TRAPPC10: variants seen among roughly 807,000 people sequenced by gnomAD.
TRAPPC10 encodes the protein TRAPP 130 kDa subunit.
A neutral mutation model predicts 125.5 loss-of-function variants in TRAPPC10; 23 were observed. The observed-to-expected ratio is 0.18, with a 90% CI of 0.13 to 0.26. The LOEUF (loss-of-function observed/expected upper bound fraction) is 0.26. Ranked by LOEUF, TRAPPC10 falls within the 10% of genes least tolerant of loss-of-function variation. The pLI is 1.00. For synonymous variants in TRAPPC10, 509 were observed against 518.0 expected (o/e 0.98, Z 0.24); for missense variants, 1,123 against 1,308.4 (o/e 0.86, Z 2.19).
At chr21:44,079,786 C>T (rs2037550873) in intron 12 of TRAPPC10, 82 bp downstream of exon 12, 2 of 1,448,938 alleles carry the variant, frequency 1.4e-6, no homozygotes, top group Non-Finnish European at 9.4e-7. Context: ...GTTTCATTCA[C>T]ACCTATTATT....
intron 1 of TRAPPC10, among the ~76,000 whole-genome samples, chr21:44,021,993 GTT>G (rs949279539): frequency 1.3e-4 from 19 of 151,026 alleles, no homozygotes; most frequent in African/African-American, 4.6e-4. Context: ...ACAAAAAACT[GTT>G]TTCTAAGCCA....
In TRAPPC10 at chr21:44,084,259, G is replaced by C. The variant is rs781563866; in HGVS notation, c.2376G>C (p.Leu792=). 2 of 1,613,310 alleles carry C rather than the reference G, an allele frequency of 1.2e-6. No homozygotes were observed. The highest frequency in any genetic ancestry group is 2.7e-5 in the African/African-American group (2 of 74,932). Residue 792 remains leucine (L), a synonymous_variant, in exon 15 of 23, where the codon CTG becomes CTC. Coordinates refer to ENST00000291574, the MANE Select transcript of TRAPPC10 (RefSeq NM_003274.5). ...SQEPQLHVEP[L]ADSLLAGIPQ... ...AGCCCCAGCTGCACGTGGAGCCGCT[G>C]GCTGGTGAGTGGGGTCCCCAGCCTT...
intron 3 of TRAPPC10, among the ~76,000 whole-genome samples, chr21:44,041,582 G>C (rs2145753957): frequency 6.6e-6 from 1 of 151,940 alleles, no homozygotes; most frequent in East Asian, 1.9e-4. Flanking sequence ...ATGTTGGTCA[G>C]GCTGGTCTCA....
At chr21:44,064,135 A>G (rs1391732546) in intron 7 of TRAPPC10, among the ~76,000 whole-genome samples, 1 of 152,224 alleles carries the variant, frequency 6.6e-6, no homozygotes, top group Non-Finnish European at 1.5e-5. Flanking sequence ...TTTTGCATGT[A>G]GACATTTATT....
At chr21:44,014,405 C>CT (rs989641715) in intron 1 of TRAPPC10, among the ~76,000 whole-genome samples, 1 of 146,810 alleles carries the variant, frequency 6.8e-6, no homozygotes, top group East Asian at 2.0e-4. Flanking sequence ...CCTTCTTCTT[C>CT]TTTTTTGAGA....
At chr21:44,039,875 A>G (rs1023512121) in intron 3 of TRAPPC10, among the ~76,000 whole-genome samples, 3 of 152,230 alleles carry the variant, frequency 2.0e-5, no homozygotes, top group African/African-American at 7.2e-5. Flanking sequence ...AAAGAAAAAA[A>G]AGAAATCACG....
chr21:44,054,154 A>G (rs2035410780), intron 4 of TRAPPC10, among the ~76,000 whole-genome samples: 1 of 152,214 alleles, frequency 6.6e-6, no homozygotes, highest in Non-Finnish European at 1.5e-5. Flanking sequence ...GGTTCTAGCA[A>G]GCTCCTACTG....
chr21:44,075,004 G>T, intron 8 of TRAPPC10, 35 bp from the exon 9 acceptor site: 3 of 1,442,532 alleles, frequency 2.1e-6, no homozygotes, highest in Non-Finnish European at 2.9e-6. Flanking sequence ...GACTCTTACG[G>T]CAAATTAATT....
chr21:44,083,079 C>T lies in TRAPPC10; in HGVS notation c.2015C>T (p.Pro672Leu), dbSNP rs757231655. The stretch of plus-strand genomic sequence containing the variant: ...TTCCCTGTATCCCAAAACAGTTTGC[C>T]CGCGCTGGAGTTGTATGAAATGTTT... ...APFPVSQNSL[P>L]ALELYEMFER... Residue 672 changes from proline to leucine, a missense_variant, in exon 14 of 23, where the codon CCC (proline) becomes CTC (leucine). By Grantham distance (98) the Pro-to-Leu change is moderately conservative. Coordinates refer to ENST00000291574, the MANE Select transcript of TRAPPC10 (RefSeq NM_003274.5). 2.5e-6 allele frequency: 4 copies of T among 1,614,090 alleles called. No individual in the cohort carries two copies. The highest frequency in any genetic ancestry group is 3.4e-6 in the Non-Finnish European group (4 of 1,180,032).
Position 44,066,812 on chromosome 21 carries a change from A to T in TRAPPC10, c.1038+3027A>T, listed in dbSNP as rs181601509. Among the ~76,000 whole-genome samples the T allele has an allele frequency of 1.6e-3, 242 of 152,364 alleles. 3 individuals are homozygous for T. The highest frequency in any genetic ancestry group is 5.4e-3 in the African/African-American group (224 of 41,588). On this transcript the variant is annotated intron_variant, in intron 7 of 22. Transcript: ENST00000291574. Reference sequence around the variant, plus strand: ...CATACAAGTAGAATTGGAAGGTCGAAGATAGACATGTTTTTAAAGCTATAT... The same window carrying T: ...CATACAAGTAGAATTGGAAGGTCGATGATAGACATGTTTTTAAAGCTATAT...
intron 1 of TRAPPC10, among the ~76,000 whole-genome samples, chr21:44,029,134 G>A (rs529329054): frequency 3.9e-5 from 6 of 152,074 alleles, no homozygotes; most frequent in East Asian, 1.9e-4. Flanking sequence ...TCGCTCTGTC[G>A]CCCGGGCTGG....
At chr21:44,017,101 T>G (rs1224130205) in intron 1 of TRAPPC10, among the ~76,000 whole-genome samples, 1 of 152,238 alleles carries the variant, frequency 6.6e-6, no homozygotes, top group Non-Finnish European at 1.5e-5. Flanking sequence ...AATGCAGATT[T>G]TGTTTCATAT....
chr21:44,052,761 TG>T (rs887838461), intron 4 of TRAPPC10, among the ~76,000 whole-genome samples: 10 of 152,190 alleles, frequency 6.6e-5, no homozygotes, highest in Middle Eastern at 3.4e-3. Flanking sequence ...CAGCAGCTCC[TG>T]CAGTTCTTCT....
intron 1 of TRAPPC10, among the ~76,000 whole-genome samples, chr21:44,015,617 T>TC (rs1292117636): frequency 6.6e-6 from 1 of 151,598 alleles, no homozygotes; most frequent in East Asian, 1.9e-4. Context: ...CAAATTTTTT[T>TC]TTTTTTTTTC....
At chr21:44,074,833 A>G (rs1467726852) in intron 8 of TRAPPC10, among the ~76,000 whole-genome samples, 1 of 152,246 alleles carries the variant, frequency 6.6e-6, no homozygotes, top group Non-Finnish European at 1.5e-5. Flanking sequence ...AGGGAGGTGA[A>G]GGACAGAAGC....
chr21:44,059,783 TTC>T lies in TRAPPC10; in HGVS notation c.790+573_790+574del, dbSNP rs2035894951. On this transcript the variant is annotated intron_variant, in intron 6 of 22. Coordinates refer to ENST00000291574, the MANE Select transcript of TRAPPC10 (RefSeq NM_003274.5). This position sits in a 1 kb window ranked among gnomAD's most constrained non-coding sequence, Gnocchi z 4.4. Reference sequence around the variant, plus strand: ...AAGTGATACCACGTTATATAGCTGTTTCTCTGTCGCTCCTTTTTGTTACTCAC... The same window carrying T: ...AAGTGATACCACGTTATATAGCTGTTTCTGTCGCTCCTTTTTGTTACTCAC... 1 of 390,370 alleles carries T rather than the reference TTC, an allele frequency of 2.6e-6. No individual in the cohort carries two copies. Among genetic ancestry groups the T allele is most frequent in the Admixed American group, 4.1e-5 (1 of 24,324 alleles). 24.2% of individuals were successfully genotyped at this position (390,370 alleles called of 1,614,324 possible).
intron 1 of TRAPPC10, 70 bp from the exon 2 acceptor site, chr21:44,032,021 A>T: frequency 7.9e-7 from 1 of 1,262,552 alleles, no homozygotes; most frequent in Non-Finnish European, 1.1e-6. Context: ...CCAATTTATT[A>T]AGCTCTAGAG....
rs2033626537 is a variant in TRAPPC10 at position 44,032,159 on chromosome 21, A to G, written c.136A>G (p.Met46Val). 4.3e-6 allele frequency: 7 copies of G among 1,613,764 alleles called. No homozygotes were observed. The highest frequency in any genetic ancestry group is 1.3e-5 in the African/African-American group (1 of 75,012). The change falls in exon 2 of 23, where the codon ATG becomes GTG. Residue 46 changes from methionine (M) to valine (V), a missense_variant. Met to Val is a conservative substitution (Grantham distance 21). Around this residue, in one of 4 missense-constraint regions of TRAPPC10, gnomAD observed 177 missense variants for 228.9 expected, o/e 0.77. Coordinates refer to ENST00000291574, the MANE Select transcript of TRAPPC10 (RefSeq NM_003274.5). ...TLSQQLPREP[M>V]EWRRSYGRAP... ...CTCTCAGCAGCTTCCAAGAGAACCA[A>G]TGGAATGGAGAAGGTATGAGTTGTG...
At chr21:44,084,069 CTA>C in intron 14 of TRAPPC10, 51 bp from the exon 15 acceptor site, 1 of 1,608,278 alleles carries the variant, frequency 6.2e-7, no homozygotes, top group Admixed American at 1.7e-5. Context: ...CCGCAGGAAG[CTA>C]ACTGCAAAAC....
Sources: allele counts gnomAD v4.1 joint callset (sites outside exome capture counted in the v4.1 genomes callset), GRCh38; gene constraint gnomAD v4.1.1; regional missense constraint gnomAD v4.1.1; non-coding constraint Gnocchi (gnomAD v3.1); transcripts MANE v1.5; gene names NCBI Gene and HGNC (gene_info 2026-07-23, HGNC 2026-07-21).